Variants in BEAN1 observed in about 807,000 individuals in gnomAD.
The protein encoded by BEAN1 is protein BEAN1.
BEAN1 carries 17 observed loss-of-function variants against 17.7 expected under a neutral mutation model. The ratio of observed to expected loss-of-function variants is 0.96; its 90% CI spans 0.66 to 1.44. BEAN1 has a LOEUF of 1.44. BEAN1 is among the 40% of genes most tolerant of loss of function. BEAN1 has a pLI of 0.00. For synonymous variants in BEAN1, 142 were observed against 151.8 expected (o/e 0.94, Z 0.47); for missense variants, 359 against 374.1 (o/e 0.96, Z 0.33).
intron 4 of BEAN1, 115 bp from the exon 5 acceptor site, chr16:66,480,471 C>G: frequency 2.4e-6 from 2 of 833,152 alleles, no homozygotes; most frequent in Non-Finnish European, 3.6e-6. Flanking sequence ...GTGGACAAGG[C>G]CCACCCTGGT....
At chr16:66,493,392 A>G in exon 5 of BEAN1, 1 of 630,824 alleles carries the variant, frequency 1.6e-6, no homozygotes, top group Non-Finnish European at 2.8e-6. Context: ...AGCCCATCTG[A>G]GGTCTCAACA....
chr16:66,480,860 A>G lies in BEAN1; in HGVS notation c.715A>G (p.Arg239Gly). 6.7e-7 allele frequency: 1 copy of G among 1,497,676 alleles called. No homozygotes were observed. The highest frequency in any genetic ancestry group is 1.4e-5 in the African/African-American group (1 of 72,024). 92.8% of individuals were successfully genotyped at this position (1,497,676 alleles called of 1,614,324 possible). A position where few individuals can be genotyped will look rare whatever the true frequency, so the allele number is the denominator to read the frequency against. Reference protein sequence around the residue: ...LPLPGPDPGPRGSQGSPTPTR... With the variant: ...LPLPGPDPGPGGSQGSPTPTR... Reference sequence around the variant, plus strand: ...ACTGCCGGGCCCAGACCCAGGGCCAAGGGGCTCCCAGGGCTCACCCACCCC... The same window carrying G: ...ACTGCCGGGCCCAGACCCAGGGCCAGGGGGCTCCCAGGGCTCACCCACCCC... Residue 239 changes from arginine to glycine, a missense_variant, in exon 5 of 5, where the codon AGG becomes GGG. Transcript: ENST00000536005.
intron 4 of BEAN1, among the ~76,000 whole-genome samples, chr16:66,490,454 T>TAAAATAAAATAA (rs772932259): frequency 7.3e-4 from 33 of 45,102 alleles, no homozygotes; most frequent in East Asian, 3.7e-3. Context: ...TAAAATAAAA[T>TAAAATAAAATAA]AATAAAATAA....
intron 2 of BEAN1, among the ~76,000 whole-genome samples, chr16:66,454,013 C>T (rs777765259): frequency 2.6e-5 from 4 of 152,218 alleles, no homozygotes; most frequent in East Asian, 1.9e-4. Flanking sequence ...GGATTCCAGG[C>T]GTGAGCCCAC....
At chr16:66,474,230 C>T (rs1963601615) in intron 3 of BEAN1, among the ~76,000 whole-genome samples, 1 of 152,122 alleles carries the variant, frequency 6.6e-6, no homozygotes, top group Non-Finnish European at 1.5e-5. Context: ...TAGCACAGCA[C>T]CTGGCTAATG....
downstream of BEAN1, chr16:66,484,604 C>T (rs968580088): frequency 4.4e-6 from 2 of 454,106 alleles, no homozygotes; most frequent in Non-Finnish European, 8.8e-6. The surrounding 1 kb of genome is among the most constrained non-coding windows in gnomAD (Gnocchi z 4.2). Flanking sequence ...ACAGGGGCCC[C>T]AGGGCCAGAC....
At chr16:66,469,395 C>T (rs1243917799) in intron 2 of BEAN1, among the ~76,000 whole-genome samples, 2 of 152,196 alleles carry the variant, frequency 1.3e-5, no homozygotes, top group African/African-American at 2.4e-5. Flanking sequence ...GACAGTCAGC[C>T]CTCACTACCA....
At chr16:66,492,819 T>C in intron 4 of BEAN1, 1 of 604,144 alleles carries the variant, frequency 1.7e-6, no homozygotes. Flanking sequence ...AGGCTTTCCT[T>C]TGGCCAAATG....
intron 4 of BEAN1, among the ~76,000 whole-genome samples, chr16:66,479,755 C>T (rs1456343242): frequency 6.6e-6 from 1 of 152,040 alleles, no homozygotes; most frequent in Non-Finnish European, 1.5e-5. Context: ...GCCCTCAGCT[C>T]CTGAGGACCC....
rs1041891943 is a variant in BEAN1 at position 66,473,026 on chromosome 16, AAAAT to A, written c.289+3165_289+3168del. Among the ~76,000 whole-genome samples, 2 of 152,200 alleles carry A rather than the reference AAAAT, an allele frequency of 1.3e-5. No homozygotes were observed. Among genetic ancestry groups the A allele is most frequent in the African/African-American group, 4.8e-5 (2 of 41,516 alleles). ...AGCAGAGAGAGACCCTGTCTCTAAAAAAATAAAAAAATTAAGACTGGGAAACTGA... is the reference window on the plus strand; with the variant it reads ...AGCAGAGAGAGACCCTGTCTCTAAAAAAAAAAATTAAGACTGGGAAACTGA... On this transcript the variant is annotated intron_variant, in intron 3 of 4. Transcript: ENST00000536005. This position sits in a 1 kb window ranked among gnomAD's most constrained non-coding sequence, Gnocchi z 4.5.
At chr16:66,485,876 G>A (rs897315950), downstream of BEAN1, 1 of 152,438 alleles carries the variant, frequency 6.6e-6, no homozygotes, top group African/African-American at 2.4e-5. Context: ...CTGCCACTCT[G>A]AGCCTCATTA....
exon 5 of BEAN1, chr16:66,493,034 A>G (rs560803672): frequency 1.4e-6 from 1 of 703,034 alleles, no homozygotes; most frequent in East Asian, 2.7e-5. Context: ...CATCCTGGGC[A>G]GGCTGGGCTA....
intron 2 of BEAN1, among the ~76,000 whole-genome samples, chr16:66,449,842 A>T (rs1962604813): frequency 6.6e-6 from 1 of 152,134 alleles, no homozygotes; most frequent in South Asian, 2.1e-4. Flanking sequence ...CTTGTGAGGG[A>T]GTAGGATGAT....
intron 2 of BEAN1, among the ~76,000 whole-genome samples, chr16:66,466,187 C>T (rs1048510854): frequency 6.6e-6 from 1 of 152,178 alleles, no homozygotes; most frequent in African/African-American, 2.4e-5. Context: ...CCCAATTACT[C>T]AGGAGGCTGA....
At chr16:66,428,991 C>G (rs1961690618) in intron 1 of BEAN1, among the ~76,000 whole-genome samples, 1 of 152,176 alleles carries the variant, frequency 6.6e-6, no homozygotes, top group Admixed American at 6.5e-5. Context: ...GTAAGGTGCA[C>G]CCTTTTCCTC....
intron 2 of BEAN1, among the ~76,000 whole-genome samples, chr16:66,454,922 T>C (rs1207526659): frequency 6.6e-6 from 1 of 152,034 alleles, no homozygotes; most frequent in Non-Finnish European, 1.5e-5. Context: ...GGGAGGGGTA[T>C]GGAGGCAGTC....
Position 66,427,765 on chromosome 16 carries a change from G to C in BEAN1, c.-83+334G>C, listed in dbSNP as rs1370729701. The C allele has an allele frequency of 1.3e-5, 2 of 152,060 alleles. No homozygotes were observed. The highest frequency in any genetic ancestry group is 3.9e-4 in the East Asian group (2 of 5,150). The allele number at this position is 152,060 out of a possible 1,614,324, so 9.4% of individuals were successfully genotyped here. On this transcript the variant is annotated intron_variant, in intron 1 of 4. Coordinates refer to ENST00000536005, the MANE Select transcript of BEAN1 (RefSeq NM_001178020.3). This position sits in a 1 kb window ranked among gnomAD's most constrained non-coding sequence, Gnocchi z 4.7. ...CTCGAGTCCCCGACGAGCATCAACC[G>C]CATTTGGGGAACCCAAGACAGCCTC...
intron 2 of BEAN1, among the ~76,000 whole-genome samples, chr16:66,460,669 A>G (rs1963048813): frequency 6.6e-6 from 1 of 152,238 alleles, no homozygotes; most frequent in African/African-American, 2.4e-5. Context: ...CTCTGGCTAT[A>G]TATCAAGTGG....
intron 3 of BEAN1, among the ~76,000 whole-genome samples, chr16:66,475,106 T>C (rs933236559): frequency 6.6e-6 from 1 of 152,096 alleles, no homozygotes; most frequent in African/African-American, 2.4e-5. Flanking sequence ...TCAGCTTATG[T>C]GAAGTGGGAA....
Sources: allele counts gnomAD v4.1 joint callset (sites outside exome capture counted in the v4.1 genomes callset), GRCh38; gene constraint gnomAD v4.1.1; non-coding constraint Gnocchi (gnomAD v3.1); transcripts MANE v1.5; gene names NCBI Gene and HGNC (gene_info 2026-07-23, HGNC 2026-07-21).